The following GAREM2 variants were observed in gnomAD, a reference collection of about 807,000 sequenced individuals.
GAREM2 encodes the protein GRB2 associated regulator of MAPK1 subtype 2.
A neutral mutation model predicts 55.6 loss-of-function variants in GAREM2; 30 were observed. The ratio of observed to expected loss-of-function variants is 0.54; its 90% CI spans 0.40 to 0.73. The LOEUF is 0.73. GAREM2 is among the 30% of genes least tolerant of loss of function. The pLI is 0.00. For synonymous variants in GAREM2, 550 were observed against 569.1 expected (o/e 0.97, Z 0.48); for missense variants, 1,075 against 1,257.7 (o/e 0.85, Z 2.20).
downstream of GAREM2, chr2:26,191,194 C>G: frequency 1.3e-6 from 2 of 1,556,912 alleles, no homozygotes; most frequent in Non-Finnish European, 1.8e-6. Context: ...TGTTGGAGAA[C>G]CAGCACTGCC....
chr2:26,186,182 C>T lies in GAREM2; in HGVS notation c.1429-7C>T. On this transcript the variant is annotated splice_region_variant and splice_polypyrimidine_tract_variant and intron_variant, in intron 4 of 5. Transcript: ENST00000401533. ...GTCGAGGTGGAGTCACCGCCCTCTG[C>T]TTGTAGGTGAAGGAGGAGTGCCGCC... 6.7e-7 allele frequency: 1 copy of T among 1,498,980 alleles called. No homozygotes were observed. The highest frequency in any genetic ancestry group is 8.9e-7 in the Non-Finnish European group (1 of 1,121,868). The allele number at this position is 1,498,980 out of a possible 1,614,324, so 92.9% of individuals were successfully genotyped here.
In GAREM2 at chr2:26,180,020, C is replaced by A. The variant is rs569697987; in HGVS notation, c.254-2947C>A. Among the ~76,000 whole-genome samples the A allele has an allele frequency of 1.7e-4, 26 of 152,190 alleles. No individual in the cohort carries two copies. In the South Asian group the frequency reaches 5.4e-3, roughly 32 times the overall value. On this transcript the variant is annotated intron_variant, in intron 2 of 5. Transcript: ENST00000401533. ...AGTTCCTGCTTCCCAAGTCCTAGAC[C>A]CCTGCTTCTTGCCTGCCCCCCTCCA... is the stretch of plus-strand genomic sequence containing the variant.
At chr2:26,198,801 A>G in the GAREM2 span, among the ~76,000 whole-genome samples, 1 of 152,044 alleles carries the variant, frequency 6.6e-6, no homozygotes, top group African/African-American at 2.4e-5. Flanking sequence ...TATAATCCCA[A>G]CACTTCAGGA....
At chr2:26,174,079 G>T (rs1427954926) in intron 1 of GAREM2, among the ~76,000 whole-genome samples, 1 of 152,180 alleles carries the variant, frequency 6.6e-6, no homozygotes, top group Non-Finnish European at 1.5e-5. Flanking sequence ...GCGGTAGCCG[G>T]GGCTGGCAGC....
the GAREM2 span, among the ~76,000 whole-genome samples, chr2:26,194,914 C>T: frequency 6.6e-6 from 1 of 152,130 alleles, no homozygotes; most frequent in Admixed American, 6.5e-5. Flanking sequence ...ATACTCCCCA[C>T]TCCCACCTTG....
chr2:26,186,312 TC>T lies in GAREM2; in HGVS notation c.1557del (p.Ser520AlafsTer72). On this transcript the variant is annotated frameshift_variant, in exon 5 of 6. Coordinates refer to ENST00000401533, the MANE Select transcript of GAREM2 (RefSeq NM_001168241.2). LOFTEE classifies it high-confidence loss of function. The part of the protein sequence containing the change: ...PRFPKLQPVH[S>X]PSSSLSYYSS... ...CTTCCCCAAGCTGCAGCCGGTACAT[TC>T]CCCCAGCTCCAGCCTCTCCTACTAC... 6.4e-7 allele frequency: 1 copy of T among 1,551,274 alleles called. No homozygotes were observed. Among genetic ancestry groups the T allele is most frequent in the Non-Finnish European group, 8.7e-7 (1 of 1,146,880 alleles).
the GAREM2 span, chr2:26,197,765 G>C: frequency 1.3e-6 from 2 of 1,514,530 alleles, no homozygotes; most frequent in East Asian, 2.3e-5. Flanking sequence ...AAGATACAGT[G>C]ATCTGGAATC....
the GAREM2 span, among the ~76,000 whole-genome samples, chr2:26,201,894 C>T: frequency 6.6e-6 from 1 of 151,490 alleles, no homozygotes. Context: ...CTCCTGGGTT[C>T]AAGCAATTCT....
chr2:26,189,878 T>G (rs1669437879), downstream of GAREM2, among the ~76,000 whole-genome samples: 1 of 152,150 alleles, frequency 6.6e-6, no homozygotes, highest in Admixed American at 6.5e-5. Flanking sequence ...CACCCCAGCT[T>G]CCACTAGTTT....
At chr2:26,185,616 G>A (rs895604861) in intron 4 of GAREM2, among the ~76,000 whole-genome samples, 1 of 152,198 alleles carries the variant, frequency 6.6e-6, no homozygotes, top group African/African-American at 2.4e-5. Context: ...AGTAAGCTTA[G>A]AAATGCTGTG....
At position 26,187,627 on chromosome 2, in the gene GAREM2, C is replaced by T. The variant is rs1173124755; in HGVS notation, c.1995C>T (p.Ser665=). The part of the protein sequence containing the change: ...GPVATSGPAY[S]PGPASPGQAY... ...TGGCTACCTCTGGCCCTGCGTATTC[C>T]CCAGGCCCAGCCTCGCCAGGCCAGG... The change falls in exon 6 of 6, where the codon TCC becomes TCT. Residue 665 remains serine, a synonymous_variant. Transcript: ENST00000401533. 4 of 1,548,884 alleles carry T rather than the reference C, an allele frequency of 2.6e-6. No homozygotes were observed. The South Asian group carries it at 4.8e-5, about 19-fold the overall frequency.
chr2:26,176,303 TCTTC>T (rs774271327), intron 1 of GAREM2, 37 bp from the exon 2 acceptor site: 89 of 1,460,422 alleles, frequency 6.1e-5, no homozygotes, highest in Admixed American at 4.5e-5. Context: ...TAATGTCCTG[TCTTC>T]CTTCCCCTCA....
chr2:26,184,859 C>T lies in GAREM2; in HGVS notation c.1011C>T (p.Val337=), dbSNP rs1405345639. Residue 337 remains valine, a synonymous_variant, in exon 4 of 6, where the codon GTC becomes GTT. Coordinates refer to ENST00000401533, the MANE Select transcript of GAREM2 (RefSeq NM_001168241.2). ...PQGLLAGDPR[V]ERLVRDSASY... is the part of the protein sequence containing the mutation. ...GCCTGCTGGCCGGGGACCCGCGCGT[C>T]GAGCGCCTGGTGCGCGACAGCGCCT... 1.4e-6 allele frequency: 2 copies of T among 1,469,084 alleles called. No individual in the cohort carries two copies. The highest frequency in any genetic ancestry group is 1.8e-6 in the Non-Finnish European group (2 of 1,119,074). 91.0% of individuals were successfully genotyped at this position (1,469,084 alleles called of 1,614,324 possible).
chr2:26,203,022 G>C, the GAREM2 span, among the ~76,000 whole-genome samples: 1 of 152,196 alleles, frequency 6.6e-6, no homozygotes, highest in Admixed American at 6.5e-5. Flanking sequence ...AACTATTTTA[G>C]AGCAACAATT....
chr2:26,200,913 T>C, the GAREM2 span, among the ~76,000 whole-genome samples: 1 of 152,020 alleles, frequency 6.6e-6, no homozygotes, highest in Admixed American at 6.5e-5. Context: ...TTGTATTTTC[T>C]AGTAGAGATG....
Position 26,184,695 on chromosome 2 carries a change from GTGCGGGAGGGTCAT to G in GAREM2, c.851_864del (p.Arg284LeufsTer5). 1 of 1,540,512 alleles carries G rather than the reference GTGCGGGAGGGTCAT, an allele frequency of 6.5e-7. No individual in the cohort carries two copies. The highest frequency in any genetic ancestry group is 8.7e-7 in the Non-Finnish European group (1 of 1,143,762). ...GCGCAACCCCTACGACCTGCACCCGGTGCGGGAGGGTCATTGCTACAAGCTGGTTAGCATCATCT... is the reference window on the plus strand; with the variant it reads ...GCGCAACCCCTACGACCTGCACCCGGTGCTACAAGCTGGTTAGCATCATCT... On this transcript the variant is annotated frameshift_variant, in exon 4 of 6. Coordinates refer to ENST00000401533, the MANE Select transcript of GAREM2 (RefSeq NM_001168241.2). LOFTEE classifies it high-confidence loss of function.
downstream of GAREM2, chr2:26,193,536 G>T: frequency 6.7e-7 from 1 of 1,493,498 alleles, no homozygotes; most frequent in East Asian, 2.3e-5. Flanking sequence ...TTAGAACTTT[G>T]TAACTAATGG....
At chr2:26,191,156 G>C, downstream of GAREM2, 1 of 1,317,886 alleles carries the variant, frequency 7.6e-7, no homozygotes, top group Non-Finnish European at 1.1e-6. Flanking sequence ...TTGTCTTCTC[G>C]TTACTCTGAT....
At chr2:26,199,293 A>G in the GAREM2 span, 3 of 152,596 alleles carry the variant, frequency 2.0e-5, no homozygotes, top group South Asian at 4.1e-4. Flanking sequence ...GCTTGAGCCC[A>G]GGAGTTCAAG....
Sources: allele counts gnomAD v4.1 joint callset (sites outside exome capture counted in the v4.1 genomes callset), GRCh38; gene constraint gnomAD v4.1.1; transcripts MANE v1.5; gene names NCBI Gene and HGNC (gene_info 2026-07-23, HGNC 2026-07-21).